EPHA2: variants seen among roughly 807,000 people sequenced by gnomAD.
EPHA2 encodes ephrin type-A receptor 2.
Under a neutral mutation model 104.9 loss-of-function variants are expected in EPHA2, and 54 were observed. The ratio of observed to expected loss-of-function variants is 0.51; its 90% confidence interval spans 0.41 to 0.65. The LOEUF is 0.65. Ranked by LOEUF, EPHA2 falls within the 30% of genes least tolerant of loss-of-function variation. The pLI is 0.00. For synonymous variants in EPHA2, 560 were observed against 559.1 expected, an observed-to-expected ratio of 1.00 and a Z score of -0.02; for missense variants, 1,117 against 1,369.5, an observed-to-expected ratio of 0.82 and a Z score of 2.91.
chr1:16,129,444 T>C lies in EPHA2; in HGVS notation c.2815A>G (p.Met939Val), dbSNP rs2024532815. 9 of 1,613,088 alleles carry C rather than the reference T, an allele frequency of 5.6e-6. No individual in the cohort carries two copies. Among genetic ancestry groups the C allele is most frequent in the Admixed American group, 5.0e-5 (3 of 59,976 alleles). ...AGGGGCCTGACTTACTCGTTGGTCA[T>C]CTGCACCACCTTCTCGATGGCAGTG... is the stretch of plus-strand genomic sequence containing the variant. Reference protein sequence around the residue: ...GYTAIEKVVQMTNDDIKRIGV... With the variant: ...GYTAIEKVVQVTNDDIKRIGV... Residue 939 changes from methionine to valine, a missense_variant, in exon 16 of 17, where the codon ATG (methionine) becomes GTG (valine). Physicochemically the swap from Met to Val is conservative, Grantham distance 21. Around this residue, in one of 3 missense-constraint regions of EPHA2, gnomAD observed 340 missense variants for 480.5 expected, o/e 0.71. Transcript: ENST00000358432.
intron 3 of EPHA2, among the ~76,000 whole-genome samples, chr1:16,144,149 G>C (rs1361560672): frequency 6.6e-6 from 1 of 152,128 alleles, no homozygotes; most frequent in African/African-American, 2.4e-5. Context: ...AGGGAGAGAG[G>C]GAGGGAGGGA....
chr1:16,133,487 C>T lies in EPHA2; in HGVS notation c.1858G>A (p.Gly620Arg), dbSNP rs781593323. 3.7e-6 allele frequency: 6 copies of T among 1,613,974 alleles called. No homozygotes were observed. The highest frequency in any genetic ancestry group is 2.2e-5 in the East Asian group (1 of 44,894). ...GGCAGGGGGCCAACCTCACCTGCTC[C>T]GATCACCTTCTGCCGAGTGACACAG... ...PSCVTRQKVI[G>R]AGEFGEVYKG... The change falls in exon 10 of 17, where the codon GGA becomes AGA. Residue 620 changes from glycine to arginine, a missense_variant. By Grantham distance (125) the Gly-to-Arg change is moderately radical (BLOSUM62 -2). This residue lies in a region of EPHA2 where 113 missense variants were observed against 104.3 expected (regional missense o/e 1.08). Coordinates refer to ENST00000358432, the MANE Select transcript of EPHA2 (RefSeq NM_004431.5).
In EPHA2 at chr1:16,134,559, C is replaced by T. The variant is rs1172469540; in HGVS notation, c.1591G>A (p.Gly531Arg). ...CCAATCACCGCCAAGTTGCCAGATC[C>T]CTCCGGGGCTGGTGGAAGAAATCAG... ...VHEFQTLSPE[G>R]SGNLAVIGGV... Residue 531 changes from glycine (G) to arginine (R), a missense_variant, in exon 8 of 17, where the codon GGA (glycine) becomes AGA (arginine). By Grantham distance (125) the Gly-to-Arg change is moderately radical. Coordinates refer to ENST00000358432, the MANE Select transcript of EPHA2 (RefSeq NM_004431.5). This position sits in a 1 kb window ranked among gnomAD's most constrained non-coding sequence, Gnocchi z 4.5. 2.5e-6 allele frequency: 4 copies of T among 1,614,108 alleles called. No individual in the cohort carries two copies. The South Asian group carries it at 3.3e-5, about 13-fold the overall frequency.
chr1:16,133,128 C>T (rs1467588462), intron 11 of EPHA2, 52 bp downstream of exon 11: 8 of 1,607,584 alleles, frequency 5.0e-6, no homozygotes, highest in African/African-American at 1.3e-5. Context: ...ACAGACAGAG[C>T]CCCTGCTAAG....
chr1:16,138,585 T>C (rs1425897887), intron 3 of EPHA2, among the ~76,000 whole-genome samples, 155 bp from the exon 4 acceptor site: 9 of 152,166 alleles, frequency 5.9e-5, no homozygotes, highest in Non-Finnish European at 1.3e-4. Context: ...TGTCTTGTGA[T>C]GGAAAAATGC....
chr1:16,132,451 T>A lies in EPHA2; in HGVS notation c.2054-12A>T, dbSNP rs750586785. 1 of 1,612,608 alleles carries A rather than the reference T, an allele frequency of 6.2e-7. No homozygotes were observed. Among genetic ancestry groups the A allele is most frequent in the Non-Finnish European group, 8.5e-7 (1 of 1,179,838 alleles). The stretch of plus-strand genomic sequence containing the variant: ...CATCATGGGCTTGTCTGTAGGGGGG[T>A]GGGCACAGGTGAGAGGTAAGTGGGC... On this transcript the variant is annotated splice_polypyrimidine_tract_variant and intron_variant, in intron 11 of 16. Transcript: ENST00000358432.
chr1:16,142,164 C>T (rs909927120), intron 3 of EPHA2, among the ~76,000 whole-genome samples: 3 of 152,250 alleles, frequency 2.0e-5, no homozygotes, highest in Non-Finnish European at 2.9e-5. Context: ...CTCCTCTACA[C>T]AGCCCTCCCA....
Position 16,131,646 on chromosome 1 carries a change from A to T in EPHA2, c.2475+75T>A. The T allele has an allele frequency of 1.9e-6, 3 of 1,594,572 alleles. No homozygotes were observed. The highest frequency in any genetic ancestry group is 1.7e-5 in the Admixed American group (1 of 59,766). ...GGTTCATCTAAACTGTCCTCTGCCCAGCCCCTGCAGTTTGAGATGAGTAAA... is the reference window on the plus strand; with the variant it reads ...GGTTCATCTAAACTGTCCTCTGCCCTGCCCCTGCAGTTTGAGATGAGTAAA... On this transcript the variant is annotated intron_variant, in intron 14 of 16. Transcript: ENST00000358432. This position sits in a 1 kb window ranked among gnomAD's most constrained non-coding sequence, Gnocchi z 5.2.
intron 1 of EPHA2, 28 bp downstream of exon 1, chr1:16,155,820 C>T: frequency 1.4e-6 from 2 of 1,391,754 alleles, no homozygotes; most frequent in Non-Finnish European, 1.9e-6. Context: ...GCCCGGGGGC[C>T]AGGGGTCCAG....
chr1:16,141,715 G>C (rs1424411522), intron 3 of EPHA2, among the ~76,000 whole-genome samples: 1 of 152,290 alleles, frequency 6.6e-6, no homozygotes, highest in Non-Finnish European at 1.5e-5. Context: ...TATGCCAAGA[G>C]GAGGAAGTGG....
rs377546819 is a variant in EPHA2 at position 16,132,369 on chromosome 1, C to T, written c.2115+9G>A. 25 of 1,614,184 alleles carry T rather than the reference C, an allele frequency of 1.5e-5. No homozygotes were observed. Among genetic ancestry groups the T allele is most frequent in the Non-Finnish European group, 2.1e-5 (25 of 1,180,032 alleles). ...AGGCATCCCCGCCCCCTACAACCCA[C>T]ATCCTTACCCGAAGGAACTTGTCCA... On this transcript the variant is annotated intron_variant, in intron 12 of 16. Transcript: ENST00000358432.
chr1:16,132,405 C>T lies in EPHA2; in HGVS notation c.2088G>A (p.Glu696=). 6.2e-7 allele frequency: 1 copy of T among 1,614,136 alleles called. No homozygotes were observed. Among genetic ancestry groups the T allele is most frequent in the Non-Finnish European group, 8.5e-7 (1 of 1,180,026 alleles). ...GAAGGAACTTGTCCAGGGCCCCATT[C>T]TCCATGTACTCAGTGATGATCATCA... The part of the protein sequence containing the change: ...KPMMIITEYM[E]NGALDKFLRE... The change falls in exon 12 of 17, where the codon GAG becomes GAA. Residue 696 remains glutamate (E), a synonymous_variant. Transcript: ENST00000358432.
At chr1:16,146,615 G>A (rs542301655) in intron 3 of EPHA2, among the ~76,000 whole-genome samples, 2 of 152,368 alleles carry the variant, frequency 1.3e-5, no homozygotes, top group East Asian at 1.9e-4. Flanking sequence ...AGGGGGGCTC[G>A]CTCAGCAGAG....
At chr1:16,136,797 CT>C (rs796639435) in intron 5 of EPHA2, among the ~76,000 whole-genome samples, 7,393 of 131,362 alleles carry the variant, frequency 0.056, 488 homozygotes, top group African/African-American at 0.16. Context: ...TGAATGCTTT[CT>C]TTTTTTTTTT....
Position 16,130,201 on chromosome 1 carries a change from C to G in EPHA2, c.2669+25G>C, listed in dbSNP as rs1167653795. 3.7e-6 allele frequency: 6 copies of G among 1,614,040 alleles called. No homozygotes were observed. The highest frequency in any genetic ancestry group is 1.1e-5 in the South Asian group (1 of 91,036). On this transcript the variant is annotated intron_variant, in intron 15 of 16. Transcript: ENST00000358432. The surrounding 1 kb of genome is among the most constrained non-coding windows in gnomAD (Gnocchi z 4.5). ...TCTGCAGAAGGAAAATTGAGGTCAT[C>G]ATGGGCAGAGGGCATAGAACTCACC...
At position 16,132,381 on chromosome 1, in the gene EPHA2, A is replaced by C. The variant is rs1557503316; in HGVS notation, c.2112T>G (p.Leu704=). 1 of 1,614,038 alleles carries C rather than the reference A, an allele frequency of 6.2e-7. No homozygotes were observed. Among genetic ancestry groups the C allele is most frequent in the Non-Finnish European group, 8.5e-7 (1 of 1,179,980 alleles). The change falls in exon 12 of 17, where the codon CTT becomes CTG. Residue 704 remains leucine (L), a synonymous_variant. Coordinates refer to ENST00000358432, the MANE Select transcript of EPHA2 (RefSeq NM_004431.5). ...CCCCTACAACCCACATCCTTACCCG[A>C]AGGAACTTGTCCAGGGCCCCATTCT... ...YMENGALDKF[L]REKDGEFSVL...
Position 16,149,121 on chromosome 1 carries a change from C to G in EPHA2, c.154-74G>C, listed in dbSNP as rs1457704584. 3 of 1,510,406 alleles carry G rather than the reference C, an allele frequency of 2.0e-6. No homozygotes were observed. The African/African-American group carries it at 4.1e-5, about 21-fold the overall frequency. 93.6% of individuals were successfully genotyped at this position (1,510,406 alleles called of 1,614,324 possible). ...GAGGCCCAGGTGGCAGAGTAGGGCA[C>G]TAGGAAGATGCTTTCCAGTTCGTGC... On this transcript the variant is annotated intron_variant, in intron 2 of 16. Transcript: ENST00000358432.
In EPHA2 at chr1:16,150,840, A is replaced by G. The variant is rs923602553; in HGVS notation, c.153+56T>C. 12 of 1,591,786 alleles carry G rather than the reference A, an allele frequency of 7.5e-6. No individual in the cohort carries two copies. The highest frequency in any genetic ancestry group is 5.2e-6 in the Non-Finnish European group (6 of 1,160,104). On this transcript the variant is annotated intron_variant, in intron 2 of 16. Coordinates refer to ENST00000358432, the MANE Select transcript of EPHA2 (RefSeq NM_004431.5). The surrounding 1 kb of genome is among the most constrained non-coding windows in gnomAD (Gnocchi z 4.8). Reference sequence around the variant, plus strand: ...CCTGGGCCTCAGTTTCTCCATCTCTACAGGGGACCAGCAGCCCCATTCTCA... The same window carrying G: ...CCTGGGCCTCAGTTTCTCCATCTCTGCAGGGGACCAGCAGCCCCATTCTCA...
chr1:16,133,293 G>A lies in EPHA2; in HGVS notation c.1940C>T (p.Thr647Met), dbSNP rs776917686. The change falls in exon 11 of 17, where the codon ACG becomes ATG. Residue 647 changes from threonine (T) to methionine (M), a missense_variant. Coordinates refer to ENST00000358432, the MANE Select transcript of EPHA2 (RefSeq NM_004431.5). ...CTTCTCTGTGTAGCCGGCTTTCAGC[G>A]TCTTGATGGCCACCGGCACCTCCTT... is the stretch of plus-strand genomic sequence containing the variant. Reference protein sequence around the residue: ...GKKEVPVAIKTLKAGYTEKQR... With the variant: ...GKKEVPVAIKMLKAGYTEKQR... 6.8e-6 allele frequency: 11 copies of A among 1,613,846 alleles called. No homozygotes were observed. Among genetic ancestry groups the A allele is most frequent in the Middle Eastern group, 1.7e-4 (1 of 6,058 alleles).
Sources: gnomAD v4.1 joint callset for allele counts (sites outside exome capture counted in the v4.1 genomes callset) on GRCh38, gnomAD v4.1.1 for gene constraint, gnomAD v4.1.1 regional missense constraint, Gnocchi (gnomAD v3.1) non-coding constraint, MANE v1.5 for transcripts, NCBI Gene and HGNC (gene_info 2026-07-23, HGNC 2026-07-21) for gene names.